ANKRD31: variants seen among roughly 807,000 people sequenced by gnomAD.
The protein encoded by ANKRD31 is ankyrin repeat domain 31.
In ANKRD31, 147 loss-of-function variants were observed where a neutral mutation model predicts 186.0. That is an observed-to-expected ratio of 0.79 (90% CI 0.69 to 0.91). The LOEUF is 0.91. ANKRD31 is among the 40% of genes least tolerant of loss of function. The pLI, the probability that ANKRD31 is intolerant of heterozygous loss-of-function variation, is 0.00. For missense variants in ANKRD31, 1,986 were observed against 2,148.8 expected, an observed-to-expected ratio of 0.92 and a Z score of 1.50; for synonymous variants, 673 against 736.4, an observed-to-expected ratio of 0.91 and a Z score of 1.39.
chr5:75,123,570 T>C (rs934993689), intron 17 of ANKRD31, among the ~76,000 whole-genome samples: 2 of 152,018 alleles, frequency 1.3e-5, no homozygotes, highest in African/African-American at 4.8e-5. Flanking sequence ...TCAAAAAGCA[T>C]GGTACTGGCA....
intron 10 of ANKRD31, 149 bp from the exon 11 acceptor site, chr5:75,169,270 T>C: frequency 1.1e-6 from 1 of 904,584 alleles, no homozygotes; most frequent in Non-Finnish European, 1.6e-6. Context: ...GAAAGCACAC[T>C]GTATTATTTG....
chr5:75,177,472 G>T (rs1753901493), intron 10 of ANKRD31, among the ~76,000 whole-genome samples: 2 of 152,076 alleles, frequency 1.3e-5, no homozygotes, highest in South Asian at 4.1e-4. Context: ...AATGTTAAGG[G>T]CAGCCACAGA....
Position 75,068,494 on chromosome 5 carries a change from A to C in ANKRD31, c.*25T>G. Reference sequence around the variant, plus strand: ...TTGTTGGTAATTTGAACAAATATCCAATAAAATATTAAGAAACCAAGGTTT... The same window carrying C: ...TTGTTGGTAATTTGAACAAATATCCCATAAAATATTAAGAAACCAAGGTTT... On this transcript the variant is annotated 3_prime_UTR_variant, in exon 26 of 26. Transcript: ENST00000506364. 6.9e-7 allele frequency: 1 copy of C among 1,450,928 alleles called. No individual in the cohort carries two copies. Among genetic ancestry groups the C allele is most frequent in the Non-Finnish European group, 9.0e-7 (1 of 1,107,340 alleles). 89.9% of individuals were successfully genotyped at this position (1,450,928 alleles called of 1,614,324 possible).
chr5:75,231,548 A>G (rs970788173), intron 1 of ANKRD31, among the ~76,000 whole-genome samples: 2 of 152,196 alleles, frequency 1.3e-5, no homozygotes, highest in Non-Finnish European at 2.9e-5. Context: ...GCAAACTAAA[A>G]TATTTATCTT....
chr5:75,073,388 T>C (rs11956613), intron 25 of ANKRD31, among the ~76,000 whole-genome samples: 7,272 of 152,224 alleles, frequency 0.048, 371 homozygotes, highest in African/African-American at 0.13. Context: ...CTTCATCTTA[T>C]TTTAAATAAG....
intron 3 of ANKRD31, among the ~76,000 whole-genome samples, chr5:75,218,016 A>C (rs1447912483): frequency 6.6e-6 from 1 of 152,108 alleles, no homozygotes; most frequent in Non-Finnish European, 1.5e-5. Flanking sequence ...TTAACAACTA[A>C]ACATACAACT....
chr5:75,102,930 C>T (rs959383269), intron 22 of ANKRD31, among the ~76,000 whole-genome samples: 22 of 152,104 alleles, frequency 1.4e-4, no homozygotes, highest in East Asian at 5.8e-4. Flanking sequence ...GTGGGCTGCA[C>T]GCACTGTCCG....
At chr5:75,167,884 A>G (rs747876863) in intron 11 of ANKRD31, among the ~76,000 whole-genome samples, 8 of 152,134 alleles carry the variant, frequency 5.3e-5, no homozygotes, top group Non-Finnish European at 1.2e-4. Flanking sequence ...TGAGGGAGCA[A>G]ATGGGCTATG....
At chr5:75,189,331 C>G (rs994265016) in intron 9 of ANKRD31, among the ~76,000 whole-genome samples, 37 of 152,306 alleles carry the variant, frequency 2.4e-4, no homozygotes, top group African/African-American at 8.9e-4. Context: ...CAAATCCTGT[C>G]AGTTTGGAGG....
At position 75,206,311 on chromosome 5, in the gene ANKRD31, G is replaced by A. The variant is rs568308749; in HGVS notation, c.403+100C>T. 8.9e-5 allele frequency: 10 copies of A among 112,654 alleles called. No homozygotes were observed. In the South Asian group the frequency reaches 1.1e-3, roughly 12 times the overall value. 7.0% of individuals were successfully genotyped at this position (112,654 alleles called of 1,614,324 possible). Reference sequence around the variant, plus strand: ...TATATATATATATATATATATATATGGTTGACCAGCCTAGTTGTAAATAAA... The same window carrying A: ...TATATATATATATATATATATATATAGTTGACCAGCCTAGTTGTAAATAAA... On this transcript the variant is annotated intron_variant, in intron 5 of 25. Coordinates refer to ENST00000506364, the MANE Select transcript of ANKRD31 (RefSeq NM_001372053.1).
intron 4 of ANKRD31, among the ~76,000 whole-genome samples, chr5:75,207,005 T>C (rs1253432200): frequency 6.6e-6 from 1 of 152,188 alleles, no homozygotes; most frequent in Non-Finnish European, 1.5e-5. Flanking sequence ...TCATGCCTAA[T>C]CTGCAATTTT....
intron 22 of ANKRD31, among the ~76,000 whole-genome samples, chr5:75,099,364 TTCA>T (rs1465194192): frequency 6.6e-6 from 1 of 152,238 alleles, no homozygotes; most frequent in African/African-American, 2.4e-5. Flanking sequence ...TGCATCGATG[TTCA>T]TCAGGGATAT....
chr5:75,131,028 C>T (rs984467358), intron 17 of ANKRD31, among the ~76,000 whole-genome samples: 2 of 152,204 alleles, frequency 1.3e-5, no homozygotes, highest in Non-Finnish European at 2.9e-5. Context: ...TGCACGGGAC[C>T]CAGCCTCCTA....
chr5:75,083,563 C>T (rs1262183917), intron 24 of ANKRD31, among the ~76,000 whole-genome samples: 1 of 151,942 alleles, frequency 6.6e-6, no homozygotes, highest in East Asian at 1.9e-4. Flanking sequence ...ACCCCGTCTC[C>T]ACTAAAACTA....
intron 25 of ANKRD31, among the ~76,000 whole-genome samples, chr5:75,076,731 T>C (rs1459578932): frequency 6.6e-6 from 1 of 152,204 alleles, no homozygotes; most frequent in Non-Finnish European, 1.5e-5. Flanking sequence ...CTCATCCTGA[T>C]GCTATCTAGG....
At chr5:75,104,113 G>A (rs1747133213) in intron 22 of ANKRD31, 115 bp downstream of exon 22, 1 of 855,154 alleles carries the variant, frequency 1.2e-6, no homozygotes, top group African/African-American at 1.7e-5. Context: ...CATTCAGGAA[G>A]CTCAGCAAAA....
intron 22 of ANKRD31, among the ~76,000 whole-genome samples, chr5:75,102,060 GT>G (rs1746936411): frequency 6.6e-6 from 1 of 152,178 alleles, no homozygotes; most frequent in Non-Finnish European, 1.5e-5. Flanking sequence ...CATCTTTGTG[GT>G]TTTATCTACC....
chr5:75,183,122 G>A (rs1157653588), intron 10 of ANKRD31, among the ~76,000 whole-genome samples: 3 of 152,092 alleles, frequency 2.0e-5, no homozygotes, highest in African/African-American at 4.8e-5. Flanking sequence ...ACCAATAAAC[G>A]TGATATATCA....
intron 10 of ANKRD31, among the ~76,000 whole-genome samples, chr5:75,173,763 C>T (rs999371175): frequency 2.0e-5 from 3 of 152,186 alleles, no homozygotes; most frequent in African/African-American, 7.2e-5. Flanking sequence ...ATTCCATGCT[C>T]ATGGATACGA....
Sources: allele counts gnomAD v4.1 joint callset (sites outside exome capture counted in the v4.1 genomes callset), GRCh38; gene constraint gnomAD v4.1.1; transcripts MANE v1.5; gene names NCBI Gene and HGNC (gene_info 2026-07-23, HGNC 2026-07-21).